The following ST8SIA4 variants were observed in gnomAD, a reference collection of about 807,000 sequenced individuals.
The protein encoded by ST8SIA4 is ST8 alpha-N-acetyl-neuraminide alpha-2,8-sialyltransferase 4.
ST8SIA4 carries 15 observed loss-of-function variants against 33.9 expected under a neutral mutation model. The observed-to-expected ratio is 0.44, with a 90% CI of 0.30 to 0.68. The LOEUF is 0.68. Ranked by LOEUF, ST8SIA4 falls within the 30% of genes least tolerant of loss-of-function variation. ST8SIA4 has a pLI of 0.10. For synonymous variants in ST8SIA4, 171 were observed against 151.2 expected, an observed-to-expected ratio of 1.13 and a Z score of -0.96; for missense variants, 321 against 428.0, an observed-to-expected ratio of 0.75 and a Z score of 2.21.
intron 1 of ST8SIA4, chr5:100,900,401 G>T: frequency 4.4e-6 from 2 of 456,088 alleles, no homozygotes; most frequent in Non-Finnish European, 8.8e-6. Context: ...ACGTGGCTTG[G>T]GTAGAAAGAC....
chr5:100,884,216 C>A (rs911092511), intron 3 of ST8SIA4, among the ~76,000 whole-genome samples: 1 of 152,056 alleles, frequency 6.6e-6, no homozygotes, highest in Non-Finnish European at 1.5e-5. Flanking sequence ...AAATTAGGTG[C>A]CTAAAACATA....
intron 4 of ST8SIA4, among the ~76,000 whole-genome samples, chr5:100,823,438 C>T (rs1246828122): frequency 6.6e-6 from 1 of 152,166 alleles, no homozygotes; most frequent in Non-Finnish European, 1.5e-5. Flanking sequence ...ACTTTCTTTC[C>T]CTTTACGGAC....
chr5:100,844,149 CT>C (rs1751522404), intron 4 of ST8SIA4, among the ~76,000 whole-genome samples: 1 of 151,848 alleles, frequency 6.6e-6, no homozygotes, highest in Non-Finnish European at 1.5e-5. Flanking sequence ...TGAGCAAATA[CT>C]TTATAATTTT....
At chr5:100,895,931 A>G in intron 1 of ST8SIA4, 146 bp from the exon 2 acceptor site, 1 of 758,614 alleles carries the variant, frequency 1.3e-6, no homozygotes, top group Non-Finnish European at 2.0e-6. Context: ...AGCATGATGA[A>G]AGGTGTTATG....
chr5:100,886,830 A>G (rs1357795171), intron 2 of ST8SIA4, among the ~76,000 whole-genome samples: 1 of 152,154 alleles, frequency 6.6e-6, no homozygotes, highest in Non-Finnish European at 1.5e-5. Context: ...ATGACTGTAT[A>G]CATAGATATA....
chr5:100,876,100 A>G (rs1448066836), intron 3 of ST8SIA4, among the ~76,000 whole-genome samples: 4 of 152,120 alleles, frequency 2.6e-5, no homozygotes, highest in Admixed American at 6.5e-5. Context: ...TCTGTATTTA[A>G]TAATACCAGA....
intron 4 of ST8SIA4, among the ~76,000 whole-genome samples, chr5:100,814,274 T>A (rs1001265498): frequency 1.2e-4 from 19 of 152,048 alleles, no homozygotes; most frequent in Non-Finnish European, 4.4e-5. Flanking sequence ...AAACTGTGAT[T>A]GCAAAGCATC....
At chr5:100,813,435 G>A (rs1750852792) in intron 4 of ST8SIA4, among the ~76,000 whole-genome samples, 1 of 151,946 alleles carries the variant, frequency 6.6e-6, no homozygotes, top group Non-Finnish European at 1.5e-5. Flanking sequence ...TGAGCTGTAT[G>A]AAATGTGTTA....
At chr5:100,848,497 T>C (rs778263088) in intron 4 of ST8SIA4, among the ~76,000 whole-genome samples, 1 of 150,146 alleles carries the variant, frequency 6.7e-6, no homozygotes, top group Non-Finnish European at 1.5e-5. Context: ...ACAGAGTATA[T>C]ATACTCTGTA....
chr5:100,824,620 A>T (rs372935156), intron 4 of ST8SIA4, among the ~76,000 whole-genome samples: 1 of 152,268 alleles, frequency 6.6e-6, no homozygotes, highest in East Asian at 1.9e-4. Context: ...GAACTCTGTT[A>T]TATATCTCTA....
At chr5:100,849,524 G>A in intron 4 of ST8SIA4, 1 of 910,162 alleles carries the variant, frequency 1.1e-6, no homozygotes, top group Non-Finnish European at 1.3e-6. Context: ...GCTCACGCCT[G>A]TAATCCCCGC....
intron 4 of ST8SIA4, among the ~76,000 whole-genome samples, chr5:100,822,639 A>G (rs1580449438): frequency 6.6e-6 from 1 of 152,244 alleles, no homozygotes; most frequent in African/African-American, 2.4e-5. Flanking sequence ...AATCACATTA[A>G]CAAAATCAGG....
chr5:100,861,462 C>A (rs1186286347), intron 3 of ST8SIA4, among the ~76,000 whole-genome samples: 1 of 152,090 alleles, frequency 6.6e-6, no homozygotes, highest in Non-Finnish European at 1.5e-5. Context: ...CTGTGTCATT[C>A]CGATACTTCT....
intron 4 of ST8SIA4, among the ~76,000 whole-genome samples, chr5:100,824,364 T>C (rs961065528): frequency 6.6e-6 from 1 of 152,118 alleles, no homozygotes; most frequent in Admixed American, 6.5e-5. Flanking sequence ...ATTGGGGAAA[T>C]ATTAAGTTTA....
At chr5:100,852,121 T>TC (rs1751715262) in intron 4 of ST8SIA4, among the ~76,000 whole-genome samples, 1 of 135,594 alleles carries the variant, frequency 7.4e-6, no homozygotes, top group Non-Finnish European at 1.6e-5. Flanking sequence ...CTTCTTTTTT[T>TC]TTTTTTTTTT....
chr5:100,816,389 T>C (rs1434772906), intron 4 of ST8SIA4: 8 of 443,000 alleles, frequency 1.8e-5, no homozygotes, highest in Admixed American at 6.1e-5. Flanking sequence ...TTTAACAACG[T>C]TGATACTAAG....
intron 3 of ST8SIA4, among the ~76,000 whole-genome samples, chr5:100,884,960 G>A (rs1266667436): frequency 6.8e-6 from 1 of 147,796 alleles, no homozygotes; most frequent in African/African-American, 2.4e-5. Context: ...TCCCTATTGC[G>A]ATTGTTGAAA....
chr5:100,840,037 T>C (rs1344915991), intron 4 of ST8SIA4, among the ~76,000 whole-genome samples: 2 of 151,672 alleles, frequency 1.3e-5, no homozygotes, highest in African/African-American at 4.8e-5. Flanking sequence ...ATATTTTCAA[T>C]TCATACGGAG....
chr5:100,900,554 G>GCCTA (rs911967230), intron 1 of ST8SIA4: 8 of 454,070 alleles, frequency 1.8e-5, no homozygotes, highest in African/African-American at 1.6e-4. Flanking sequence ...TGCTCAGGGA[G>GCCTA]CCTAGCTGCC....
Sources: gnomAD v4.1 joint callset for allele counts (sites outside exome capture counted in the v4.1 genomes callset) on GRCh38, gnomAD v4.1.1 for gene constraint, MANE v1.5 for transcripts, NCBI Gene and HGNC (gene_info 2026-07-23, HGNC 2026-07-21) for gene names.